PCDHGB2: variants seen among roughly 807,000 people sequenced by gnomAD.
The protein encoded by PCDHGB2 is protocadherin gamma subfamily B, 2.
Under a neutral mutation model 59.3 loss-of-function variants are expected in PCDHGB2, and 55 were observed. That is an observed-to-expected ratio of 0.93 (90% CI 0.75 to 1.16). The LOEUF is 1.16. PCDHGB2 is among the 50% of genes most tolerant of loss of function. The pLI is 0.00. For synonymous variants in PCDHGB2, 516 were observed against 512.0 expected (o/e 1.01, Z -0.11); for missense variants, 1,228 against 1,198.5 (o/e 1.02, Z -0.36).
intron 1 of PCDHGB2, chr5:141,395,513 C>T: frequency 2.4e-6 from 1 of 420,938 alleles, no homozygotes; most frequent in South Asian, 3.5e-5. Context: ...GAAGTAGCTA[C>T]CCGTCCATAC....
intron 1 of PCDHGB2, chr5:141,415,317 G>T (rs778236674): frequency 6.2e-7 from 1 of 1,614,218 alleles, no homozygotes; most frequent in Non-Finnish European, 8.5e-7. Flanking sequence ...TCGTCATCGT[G>T]CTGCTGGCGC....
In PCDHGB2 at chr5:141,511,131, C is replaced by T; in HGVS notation, c.2754C>T (p.Gly918=). ...GGGATGGCAAGGCCCCAGCAGGTGG[C>T]AATGGCAACAAGAAGAAGTCGGGCA... is the stretch of plus-strand genomic sequence containing the variant. ...GKRDGKAPAG[G]NGNKKKSGKK... is the part of the protein sequence containing the mutation. The change falls in exon 4 of 4, where the codon GGC becomes GGT. Residue 918 remains glycine (G), a synonymous_variant. Coordinates refer to ENST00000522605, the MANE Select transcript of PCDHGB2 (RefSeq NM_018923.3). 2 of 1,614,202 alleles carry T rather than the reference C, an allele frequency of 1.2e-6. No homozygotes were observed. Among genetic ancestry groups the T allele is most frequent in the Non-Finnish European group, 1.7e-6 (2 of 1,180,020 alleles).
At chr5:141,445,768 T>A (rs2098476928) in intron 1 of PCDHGB2, among the ~76,000 whole-genome samples, 1 of 152,074 alleles carries the variant, frequency 6.6e-6, no homozygotes, top group Admixed American at 6.6e-5. Context: ...CTCAAGCAAT[T>A]TAAAAGGGCT....
intron 1 of PCDHGB2, chr5:141,395,104 G>A (rs1420682544): frequency 1.9e-6 from 3 of 1,614,028 alleles, no homozygotes; most frequent in Admixed American, 3.3e-5. Flanking sequence ...GCCGACTCGC[G>A]GAAGAGTCAC....
At chr5:141,414,288 C>T (rs368826232) in intron 1 of PCDHGB2, 40 of 1,613,502 alleles carry the variant, frequency 2.5e-5, no homozygotes, top group South Asian at 4.4e-5. Context: ...CAGTCGTAGC[C>T]CTTTTAAATG....
intron 1 of PCDHGB2, among the ~76,000 whole-genome samples, chr5:141,400,876 T>G (rs1304937244): frequency 6.6e-6 from 1 of 152,230 alleles, no homozygotes; most frequent in East Asian, 1.9e-4. Flanking sequence ...ACCATTAAAT[T>G]TAATGTATGT....
At chr5:141,375,176 GT>G (rs1486897870) in intron 1 of PCDHGB2, 1 of 1,614,018 alleles carries the variant, frequency 6.2e-7, no homozygotes, top group South Asian at 1.1e-5. Flanking sequence ...TCCAGGAACA[GT>G]AATCGCCCTT....
intron 1 of PCDHGB2, among the ~76,000 whole-genome samples, chr5:141,474,294 G>A (rs535055214): frequency 1.3e-5 from 2 of 152,296 alleles, no homozygotes; most frequent in African/African-American, 4.8e-5. Context: ...CTAGATCAGT[G>A]CTTGTCAAAC....
In PCDHGB2 at chr5:141,360,438, G is replaced by A. The variant is rs1761598718; in HGVS notation, c.303G>A (p.Leu101=). ...DREQICGKQP[L]CVLDFDTVAE... ...AACAGATATGCGGGAAGCAGCCTCT[G>A]TGTGTTCTGGATTTCGATACTGTCG... The change falls in exon 1 of 4, where the codon CTG becomes CTA. Residue 101 remains leucine, a synonymous_variant. Transcript: ENST00000522605. 1 of 1,613,844 alleles carries A rather than the reference G, an allele frequency of 6.2e-7. No individual in the cohort carries two copies. The highest frequency in any genetic ancestry group is 8.5e-7 in the Non-Finnish European group (1 of 1,179,886).
chr5:141,375,645 A>G (rs1052759532), intron 1 of PCDHGB2: 1 of 1,614,002 alleles, frequency 6.2e-7, no homozygotes, highest in African/African-American at 1.3e-5. Flanking sequence ...CGCTCCTTCG[A>G]CTATGAGCAG....
At chr5:141,376,684 T>TTTTTTTTTTG in intron 1 of PCDHGB2, 1 of 809,294 alleles carries the variant, frequency 1.2e-6, no homozygotes, top group African/African-American at 1.9e-5. Flanking sequence ...TCGTTTTTTT[T>TTTTTTTTTTG]TTTTTTTTTT....
chr5:141,483,648 T>TTG (rs111458813), intron 1 of PCDHGB2, among the ~76,000 whole-genome samples: 1,883 of 149,700 alleles, frequency 0.013, 19 homozygotes, highest in African/African-American at 0.023. Flanking sequence ...GGGTGTGTGT[T>TTG]TGTGTGTGTG....
At chr5:141,388,887 G>C in intron 1 of PCDHGB2, 1 of 1,613,988 alleles carries the variant, frequency 6.2e-7, no homozygotes, top group Non-Finnish European at 8.5e-7. Context: ...GGAGGTAGAA[G>C]TCATAGATGA....
At chr5:141,494,976 G>A in intron 2 of PCDHGB2, 111 bp downstream of exon 2, 1 of 1,575,636 alleles carries the variant, frequency 6.3e-7, no homozygotes. Flanking sequence ...TTCTCCCTCA[G>A]TTTGAGATCC....
chr5:141,382,326 T>G (rs1007367155), intron 1 of PCDHGB2, among the ~76,000 whole-genome samples: 1 of 152,352 alleles, frequency 6.6e-6, no homozygotes, highest in Admixed American at 6.5e-5. Context: ...TGTAAATATT[T>G]TCTAAGTAAA....
intron 1 of PCDHGB2, among the ~76,000 whole-genome samples, chr5:141,437,034 C>T (rs1282216386): frequency 1.3e-5 from 2 of 152,194 alleles, no homozygotes. Context: ...AAATGGATCA[C>T]CGAAACCAGA....
intron 1 of PCDHGB2, chr5:141,383,744 G>A: frequency 1.2e-6 from 2 of 1,613,886 alleles, no homozygotes; most frequent in South Asian, 1.1e-5. Flanking sequence ...TATTCTTTTC[G>A]GAAAATAACT....
In PCDHGB2 at chr5:141,415,309, G is replaced by A. The variant is rs199689792; in HGVS notation, c.2421+52753G>A. ...GGTCTCCTGCGTCTTCCTGGCCTTC[G>A]TCATCGTGCTGCTGGCGCACAGGCT... is the stretch of plus-strand genomic sequence containing the variant. On this transcript the variant is annotated intron_variant, in intron 1 of 3. Coordinates refer to ENST00000522605, the MANE Select transcript of PCDHGB2 (RefSeq NM_018923.3). 2.7e-5 allele frequency: 44 copies of A among 1,614,216 alleles called. No homozygotes were observed. In the Middle Eastern group the frequency reaches 8.2e-4, roughly 30 times the overall value.
chr5:141,488,672 G>A (rs1012955473), intron 1 of PCDHGB2, among the ~76,000 whole-genome samples: 20 of 152,208 alleles, frequency 1.3e-4, no homozygotes, highest in African/African-American at 4.8e-4. Context: ...GAATACATGG[G>A]CTTTGCCTCT....
Sources: allele counts gnomAD v4.1 joint callset (sites outside exome capture counted in the v4.1 genomes callset), GRCh38; gene constraint gnomAD v4.1.1; transcripts MANE v1.5; gene names NCBI Gene and HGNC (gene_info 2026-07-23, HGNC 2026-07-21).